Variants in CPNE4 observed in about 807,000 individuals in gnomAD.
The protein encoded by CPNE4 is copine 4.
A neutral mutation model predicts 67.9 loss-of-function variants in CPNE4; 25 were observed. The observed-to-expected ratio is 0.37, with a 90% CI of 0.27 to 0.51. CPNE4 has a LOEUF of 0.51. Ranked by LOEUF, CPNE4 falls within the 20% of genes least tolerant of loss-of-function variation. The pLI, the probability that CPNE4 is intolerant of heterozygous loss-of-function variation, is 0.93. For synonymous variants in CPNE4, 242 were observed against 244.9 expected, an observed-to-expected ratio of 0.99 and a Z score of 0.11; for missense variants, 464 against 690.8, an observed-to-expected ratio of 0.67 and a Z score of 3.68.
intron 2 of CPNE4, among the ~76,000 whole-genome samples, chr3:131,752,663 C>T (rs567352095): frequency 2.0e-5 from 3 of 152,118 alleles, no homozygotes; most frequent in South Asian, 4.2e-4. Context: ...ACATGTATTC[C>T]ATATTCTCAG....
At chr3:131,778,701 C>A (rs1415708146) in intron 2 of CPNE4, among the ~76,000 whole-genome samples, 1 of 152,114 alleles carries the variant, frequency 6.6e-6, no homozygotes, top group East Asian at 1.9e-4. Flanking sequence ...GGTAGAAACT[C>A]TTTCCTTCCT....
intron 14 of CPNE4, among the ~76,000 whole-genome samples, chr3:131,547,193 G>T (rs917764005): frequency 6.6e-6 from 1 of 151,992 alleles, no homozygotes; most frequent in South Asian, 2.1e-4. Context: ...ATTGGCTCAT[G>T]CCTATAACCC....
chr3:132,037,744 G>C (rs2074363880), upstream of CPNE4: 3 of 692,418 alleles, frequency 4.3e-6, no homozygotes, highest in African/African-American at 1.8e-5. Flanking sequence ...CATCCGCTCA[G>C]TGTCTTATGC....
At chr3:131,890,088 G>A (rs1468936756) in intron 2 of CPNE4, among the ~76,000 whole-genome samples, 1 of 152,054 alleles carries the variant, frequency 6.6e-6, no homozygotes, top group African/African-American at 2.4e-5. Flanking sequence ...AGACAAGTGA[G>A]ATAGTGTCAA....
chr3:131,957,935 T>C (rs538049019), intron 1 of CPNE4, among the ~76,000 whole-genome samples: 2 of 152,250 alleles, frequency 1.3e-5, no homozygotes, highest in South Asian at 4.1e-4. Context: ...GAATTTTTGG[T>C]TGGGGGGAGA....
chr3:131,674,226 A>G (rs1357371298), intron 6 of CPNE4, among the ~76,000 whole-genome samples: 4 of 151,956 alleles, frequency 2.6e-5, no homozygotes, highest in Non-Finnish European at 5.9e-5. Flanking sequence ...TAGGATTTCA[A>G]TGAGGATTTT....
chr3:131,566,198 G>C (rs1411124797), intron 10 of CPNE4, among the ~76,000 whole-genome samples: 1 of 151,856 alleles, frequency 6.6e-6, no homozygotes, highest in Non-Finnish European at 1.5e-5. Flanking sequence ...AGGGAGACTT[G>C]CTAGGAGGCA....
intron 1 of CPNE4, among the ~76,000 whole-genome samples, chr3:131,953,239 T>TAAAAA (rs1167094357): frequency 3.1e-5 from 3 of 97,124 alleles, no homozygotes; most frequent in African/African-American, 8.8e-5. Context: ...AATGATCAAT[T>TAAAAA]AAAAAAAAAA....
chr3:131,958,695 G>A (rs961766707), intron 1 of CPNE4, among the ~76,000 whole-genome samples: 2 of 135,946 alleles, frequency 1.5e-5, no homozygotes, highest in Admixed American at 1.6e-4. Context: ...CACGATCTTG[G>A]CTCACTGCAA....
chr3:131,563,589 C>G (rs975326969), intron 11 of CPNE4, among the ~76,000 whole-genome samples: 4 of 151,980 alleles, frequency 2.6e-5, no homozygotes, highest in Non-Finnish European at 4.4e-5. Flanking sequence ...CATACACATG[C>G]ACCTGGCTAC....
At chr3:131,787,006 G>T (rs751915367) in intron 2 of CPNE4, among the ~76,000 whole-genome samples, 5 of 152,132 alleles carry the variant, frequency 3.3e-5, no homozygotes, top group Non-Finnish European at 5.9e-5. Context: ...GAACACATCA[G>T]TTATTATCGA....
intron 2 of CPNE4, among the ~76,000 whole-genome samples, chr3:131,824,068 T>A (rs1257378392): frequency 6.6e-6 from 1 of 151,842 alleles, no homozygotes; most frequent in African/African-American, 2.4e-5. Context: ...ATAAAAACAC[T>A]GATCTAGAAG....
At chr3:131,805,101 C>A (rs55715294) in intron 2 of CPNE4, among the ~76,000 whole-genome samples, 4 of 152,080 alleles carry the variant, frequency 2.6e-5, no homozygotes, top group Non-Finnish European at 5.9e-5. Flanking sequence ...TTCTTATTGC[C>A]CATTCTGTGA....
upstream of CPNE4, among the ~76,000 whole-genome samples, chr3:132,035,641 T>G (rs538505404): frequency 2.6e-5 from 4 of 152,318 alleles, no homozygotes; most frequent in African/African-American, 7.2e-5. Flanking sequence ...TTAAAGCACT[T>G]TAGAGAGAAA....
At chr3:131,847,677 G>A (rs11706694) in intron 2 of CPNE4, among the ~76,000 whole-genome samples, 1 of 152,112 alleles carries the variant, frequency 6.6e-6, no homozygotes, top group East Asian at 1.9e-4. Flanking sequence ...CACTCCTTTA[G>A]GTTAGTGCTC....
At chr3:131,723,152 T>A (rs4854833) in intron 3 of CPNE4, among the ~76,000 whole-genome samples, 52,853 of 152,000 alleles carry the variant, frequency 0.35, 9,561 homozygotes, top group Non-Finnish European at 0.4. Flanking sequence ...AAGAGCATAG[T>A]GCCAGACACA....
At chr3:132,012,867 T>C (rs990181550) in intron 1 of CPNE4, among the ~76,000 whole-genome samples, 4 of 152,172 alleles carry the variant, frequency 2.6e-5, no homozygotes, top group African/African-American at 9.7e-5. Flanking sequence ...TTACATTTCT[T>C]CAGGATACTA....
intron 1 of CPNE4, among the ~76,000 whole-genome samples, chr3:131,910,074 C>T (rs755632104): frequency 3.0e-4 from 46 of 152,180 alleles, no homozygotes; most frequent in Admixed American, 2.0e-3. Flanking sequence ...CATTTGTGAT[C>T]ATATGAGGCT....
At chr3:131,927,243 C>T (rs1225049) in intron 1 of CPNE4, among the ~76,000 whole-genome samples, 29,745 of 152,086 alleles carry the variant, frequency 0.2, 3,513 homozygotes, top group Non-Finnish European at 0.25. Context: ...GAGAGTCATG[C>T]ATCTGTCTGT....
Sources: gnomAD v4.1 joint callset for allele counts (sites outside exome capture counted in the v4.1 genomes callset) on GRCh38, gnomAD v4.1.1 for gene constraint, MANE v1.5 for transcripts, NCBI Gene and HGNC (gene_info 2026-07-23, HGNC 2026-07-21) for gene names.